ANKS1A: variants seen among roughly 807,000 people sequenced by gnomAD.
ANKS1A encodes ankyrin repeat and sterile alpha motif domain containing 1A.
In ANKS1A, 55 loss-of-function variants were observed where a neutral mutation model predicts 120.3. The ratio of observed to expected loss-of-function variants is 0.46; its 90% CI spans 0.37 to 0.57. The LOEUF is 0.57. ANKS1A is among the 20% of genes least tolerant of loss of function. ANKS1A has a pLI of 0.00. For synonymous variants in ANKS1A, 590 were observed against 604.7 expected (o/e 0.98, Z 0.36); for missense variants, 1,123 against 1,480.3 (o/e 0.76, Z 3.96).
At chr6:35,024,421 A>G (rs921762431) in intron 11 of ANKS1A, among the ~76,000 whole-genome samples, 2 of 152,274 alleles carry the variant, frequency 1.3e-5, no homozygotes, top group South Asian at 2.1e-4. Flanking sequence ...CTGTTTGTCT[A>G]CTTAGCATAA....
chr6:34,943,963 G>T (rs1769655134), intron 1 of ANKS1A, among the ~76,000 whole-genome samples: 1 of 152,196 alleles, frequency 6.6e-6, no homozygotes, highest in African/African-American at 2.4e-5. Context: ...GTAAGAAACT[G>T]CCAAACTGTC....
At chr6:35,088,472 G>T (rs2127618605) in intron 23 of ANKS1A, 134 bp from the exon 24 acceptor site, 1 of 1,146,466 alleles carries the variant, frequency 8.7e-7, no homozygotes, top group Middle Eastern at 1.9e-4. Context: ...GGTGCTCAAA[G>T]CAGGCATGGA....
intron 1 of ANKS1A, among the ~76,000 whole-genome samples, chr6:34,918,411 A>G (rs563582782): frequency 9.2e-5 from 14 of 152,196 alleles, no homozygotes; most frequent in Non-Finnish European, 1.0e-4. Flanking sequence ...GTCAAAGGAA[A>G]TAATACAAAT....
chr6:35,002,738 C>T (rs1773238878), intron 10 of ANKS1A, among the ~76,000 whole-genome samples: 1 of 152,000 alleles, frequency 6.6e-6, no homozygotes, highest in South Asian at 2.1e-4. Context: ...TCACCCTGAT[C>T]ATTTCTAGGT....
intron 10 of ANKS1A, 123 bp downstream of exon 10, chr6:34,994,545 C>T (rs534572037): frequency 1.0e-5 from 14 of 1,405,904 alleles, no homozygotes; most frequent in Middle Eastern, 1.9e-4. Context: ...TTGGGTTTCA[C>T]GATGATCTGG....
At chr6:35,021,631 A>G (rs918026126) in intron 11 of ANKS1A, among the ~76,000 whole-genome samples, 2 of 152,154 alleles carry the variant, frequency 1.3e-5, no homozygotes, top group East Asian at 1.9e-4. Context: ...TAATGTTACT[A>G]TCTTGCTTGG....
chr6:35,070,845 T>TGC (rs1279019355), intron 13 of ANKS1A: 7 of 552,836 alleles, frequency 1.3e-5, no homozygotes, highest in African/African-American at 5.7e-5. Context: ...TGTGTGTGTG[T>TGC]GCGCGCCAAA....
rs762639734 is a variant in ANKS1A at position 35,084,087 on chromosome 6, C to T, written c.2995-34C>T. On this transcript the variant is annotated intron_variant, in intron 20 of 23. Transcript: ENST00000360359. This position sits in a 1 kb window ranked among gnomAD's most constrained non-coding sequence, Gnocchi z 4.8. ...AGGGGGTGCCAGAGGCATGCCTGAG[C>T]CTGAGAATTCCAGAACACGGCTTTC... 2 of 1,611,910 alleles carry T rather than the reference C, an allele frequency of 1.2e-6. No homozygotes were observed. Among genetic ancestry groups the T allele is most frequent in the Admixed American group, 3.3e-5 (2 of 59,916 alleles).
chr6:34,914,470 C>T (rs1768063273), intron 1 of ANKS1A, among the ~76,000 whole-genome samples: 2 of 152,136 alleles, frequency 1.3e-5, no homozygotes. Flanking sequence ...TTAGTGTTTT[C>T]AGGACGACAT....
At chr6:35,006,754 C>CA (rs1409203630) in intron 10 of ANKS1A, among the ~76,000 whole-genome samples, 1 of 151,974 alleles carries the variant, frequency 6.6e-6, no homozygotes, top group Non-Finnish European at 1.5e-5. Flanking sequence ...GACTCCGTCT[C>CA]AAAAAACAAA....
chr6:35,086,151 C>T lies in ANKS1A; in HGVS notation c.3303+215C>T. 8.4e-7 allele frequency: 1 copy of T among 1,192,552 alleles called. No homozygotes were observed. The highest frequency in any genetic ancestry group is 1.2e-6 in the Non-Finnish European group (1 of 866,334). 73.9% of individuals were successfully genotyped at this position (1,192,552 alleles called of 1,614,324 possible). ...GCGGGCCTCTCATGCTCCTGTTTCC[C>T]TCCCTCGCTGGGCTCCCCCAAGGGC... is the stretch of plus-strand genomic sequence containing the variant. On this transcript the variant is annotated intron_variant, in intron 22 of 23. Transcript: ENST00000360359. This position sits in a 1 kb window ranked among gnomAD's most constrained non-coding sequence, Gnocchi z 5.1.
intron 1 of ANKS1A, among the ~76,000 whole-genome samples, chr6:34,945,796 T>G (rs1463624289): frequency 6.6e-6 from 1 of 152,152 alleles, no homozygotes; most frequent in Admixed American, 6.5e-5. Flanking sequence ...TTGGTGGGAT[T>G]GGCTTTCAAT....
chr6:34,991,300 G>A (rs1278414274), intron 9 of ANKS1A, among the ~76,000 whole-genome samples: 1 of 151,984 alleles, frequency 6.6e-6, no homozygotes, highest in Non-Finnish European at 1.5e-5. Context: ...ACATACACAT[G>A]CTGTGTAGAT....
At position 35,017,561 on chromosome 6, in the gene ANKS1A, C is replaced by T. The variant is rs768282229; in HGVS notation, c.1512C>T (p.His504=). ...CAGAGCAGTTCTCAGGCCTCCTCCA[C>T]GGCTCCTCCCCGGTGTGCGAGGTGG... ...QVPEQFSGLL[H]GSSPVCEVGQ... Residue 504 remains histidine (H), a synonymous_variant, in exon 11 of 24, where the codon CAC becomes CAT. Coordinates refer to ENST00000360359, the MANE Select transcript of ANKS1A (RefSeq NM_015245.3). 18 of 1,614,004 alleles carry T rather than the reference C, an allele frequency of 1.1e-5. No homozygotes were observed. The highest frequency in any genetic ancestry group is 2.2e-5 in the South Asian group (2 of 91,088).
At chr6:35,073,412 G>A (rs1346228127) in intron 13 of ANKS1A, among the ~76,000 whole-genome samples, 1 of 152,196 alleles carries the variant, frequency 6.6e-6, no homozygotes, top group African/African-American at 2.4e-5. Flanking sequence ...GCAAAGCGGG[G>A]AGCAGTCGGA....
chr6:34,975,642 G>A (rs1771533850), intron 3 of ANKS1A, among the ~76,000 whole-genome samples: 2 of 151,818 alleles, frequency 1.3e-5, no homozygotes, highest in Admixed American at 1.3e-4. Context: ...GTACATGCCT[G>A]TATCCCAAAT....
At chr6:34,950,222 C>CTTTT (rs747865614) in intron 1 of ANKS1A, among the ~76,000 whole-genome samples, 34 of 97,514 alleles carry the variant, frequency 3.5e-4, no homozygotes, top group African/African-American at 9.7e-4. Context: ...TCTTTTCTCT[C>CTTTT]TTTTTTTTTT....
intron 1 of ANKS1A, among the ~76,000 whole-genome samples, chr6:34,939,733 G>A (rs1383324159): frequency 6.6e-6 from 1 of 151,990 alleles, no homozygotes; most frequent in African/African-American, 2.4e-5. Flanking sequence ...AAAAAGAAAA[G>A]GTTTGGGGAT....
intron 1 of ANKS1A, among the ~76,000 whole-genome samples, chr6:34,917,169 CAG>C (rs1346830493): frequency 6.6e-6 from 1 of 152,182 alleles, no homozygotes; most frequent in Non-Finnish European, 1.5e-5. Context: ...CATACTCTGT[CAG>C]GGGAAGAGCC....
Sources: allele counts gnomAD v4.1 joint callset (sites outside exome capture counted in the v4.1 genomes callset), GRCh38; gene constraint gnomAD v4.1.1; non-coding constraint Gnocchi (gnomAD v3.1); transcripts MANE v1.5; gene names NCBI Gene and HGNC (gene_info 2026-07-23, HGNC 2026-07-21).